KCP: variants seen among roughly 807,000 people sequenced by gnomAD.
The protein encoded by KCP is kielin/chordin-like protein.
Under a neutral mutation model 212.7 loss-of-function variants are expected in KCP, and 194 were observed. The observed-to-expected ratio is 0.91, with a 90% CI of 0.81 to 1.03. The LOEUF is 1.03. KCP is among the 50% of genes least tolerant of loss of function. The pLI, the probability that KCP is intolerant of heterozygous loss-of-function variation, is 0.00. For synonymous variants in KCP, 833 were observed against 865.3 expected (o/e 0.96, Z 0.65); for missense variants, 2,080 against 2,162.5 (o/e 0.96, Z 0.76).
At position 128,910,559 on chromosome 7, in the gene KCP, GCGCACCTGGCCGGACCCCAAGCCTCC is replaced by G. The variant is rs1381615901; in HGVS notation, c.76+16_76+41del. The G allele has an allele frequency of 4.4e-5, 65 of 1,487,162 alleles. 1 individual carries two copies. In the Middle Eastern group the frequency reaches 7.0e-4, roughly 16 times the overall value. The allele number at this position is 1,487,162 out of a possible 1,614,324, so 92.1% of individuals were successfully genotyped here. ...AGGCCGGGCTGATAGGAGGGAGGGG[GCGCACCTGGCCGGACCCCAAGCCTCC>G]CGCACCTGGACTCACCTTCCGCGCC... On this transcript the variant is annotated intron_variant, in intron 1 of 39. Transcript: ENST00000610776.
intron 21 of KCP, chr7:128,890,085 A>T (rs1793993408): frequency 3.6e-6 from 2 of 548,210 alleles, no homozygotes; most frequent in Admixed American, 3.2e-5. Flanking sequence ...CGACCAGCTG[A>T]TTTTAAATTT....
Position 128,881,653 on chromosome 7 carries a change from G to C in KCP, c.3397C>G (p.Pro1133Ala). ...SCPLSERHTP[P>A]GSCCPVCREC... is the part of the protein sequence containing the mutation. ...CGGCATACGGGGCAGCAGCTCCCAG[G>C]GGGAGTGTGGCGCTCTGAGAGGGGA... Residue 1133 changes from proline (P) to alanine (A), a missense_variant, in exon 31 of 40, where the codon CCT (proline) becomes GCT (alanine). Pro to Ala is a conservative substitution (Grantham distance 27, BLOSUM62 -1). Transcript: ENST00000610776. 1 of 1,511,844 alleles carries C rather than the reference G, an allele frequency of 6.6e-7. No individual in the cohort carries two copies. Among genetic ancestry groups the C allele is most frequent in the East Asian group, 2.5e-5 (1 of 40,322 alleles). 93.7% of individuals were successfully genotyped at this position (1,511,844 alleles called of 1,614,324 possible). A position where few individuals can be genotyped will look rare whatever the true frequency, so the allele number is the denominator to read the frequency against.
At position 128,877,056 on chromosome 7, in the gene KCP, T is replaced by G; in HGVS notation, c.4874A>C (p.Gln1625Pro). The change falls in exon 40 of 40, where the codon CAG becomes CCG. Residue 1625 changes from glutamine to proline, a missense_variant. By Grantham distance (76) the Gln-to-Pro change is moderately conservative. Transcript: ENST00000610776. The stretch of plus-strand genomic sequence containing the variant: ...CACTGTCCTGGCTCAGGGTGTCTCC[T>G]GGGGCTCCCGGCTGGGGCTGGGCCG... ...GARPSPSREP[Q>P]ETP 1 of 1,529,914 alleles carries G rather than the reference T, an allele frequency of 6.5e-7. No homozygotes were observed. Among genetic ancestry groups the G allele is most frequent in the Non-Finnish European group, 8.8e-7 (1 of 1,141,542 alleles). 94.8% of individuals were successfully genotyped at this position (1,529,914 alleles called of 1,614,324 possible).
chr7:128,883,859 G>A, intron 29 of KCP, 143 bp downstream of exon 29: 1 of 1,044,938 alleles, frequency 9.6e-7, no homozygotes, highest in Non-Finnish European at 1.3e-6. Flanking sequence ...TAGGGATGGT[G>A]CAGCCCTCGC....
intron 32 of KCP, 93 bp from the exon 33 acceptor site, chr7:128,880,814 GC>G: frequency 2.5e-6 from 1 of 403,262 alleles, no homozygotes; most frequent in Non-Finnish European, 4.4e-6. Flanking sequence ...ACTTCTGCCT[GC>G]CCCTCCCACA....
Position 128,880,042 on chromosome 7 carries a change from C to A in KCP, c.3803G>T (p.Cys1268Phe), listed in dbSNP as rs1175955421. ...ALSPGSCCPR[C>F]LPRPASCMAF... ...CATGCAGGAAGCGGGCCGAGGCAGG[C>A]AGCGGGGGCAGCAGCTGCCAGGACT... Residue 1268 changes from cysteine (C) to phenylalanine (F), a missense_variant, in exon 35 of 40, where the codon TGC becomes TTC. Coordinates refer to ENST00000610776, the MANE Select transcript of KCP (RefSeq NM_001366122.1). 1.3e-6 allele frequency: 2 copies of A among 1,547,932 alleles called. No individual in the cohort carries two copies. The highest frequency in any genetic ancestry group is 2.0e-5 in the Admixed American group (1 of 50,958).
intron 2 of KCP, among the ~76,000 whole-genome samples, 175 bp downstream of exon 2, chr7:128,908,251 G>GAAAAAGAAAGAAAGA (rs10565205): frequency 4.5e-4 from 46 of 101,276 alleles, no homozygotes; most frequent in African/African-American, 1.8e-3. Context: ...AAGAAAGAAA[G>GAAAAAGAAAGAAAGA]AAGAAAGAAA....
At chr7:128,901,486 C>T (rs993386615) in intron 8 of KCP, among the ~76,000 whole-genome samples, 15 of 152,032 alleles carry the variant, frequency 9.9e-5, no homozygotes, top group Admixed American at 2.6e-4. Context: ...ATTAGCCAGG[C>T]GTGTTGGCGG....
rs144377695 is a variant in KCP at position 128,885,878 on chromosome 7, T to A, written c.2866+586A>T. Among the ~76,000 whole-genome samples the A allele has an allele frequency of 3.2e-3, 488 of 151,580 alleles. 2 individuals are homozygous for A. Among genetic ancestry groups the A allele is most frequent in the African/African-American group, 0.012 (476 of 41,038 alleles). ...ACCTCTCTGTACCTCCACTTTCTCG[T>A]CTGTAAAATAGGAGGACTAAGAGTG... On this transcript the variant is annotated intron_variant, in intron 26 of 39. Transcript: ENST00000610776.
In KCP at chr7:128,886,939, G is replaced by A. The variant is rs373233634; in HGVS notation, c.2626C>T (p.Pro876Ser). The A allele has an allele frequency of 6.5e-7, 1 of 1,528,518 alleles. No homozygotes were observed. The allele number at this position is 1,528,518 out of a possible 1,614,324, so 94.7% of individuals were successfully genotyped here. Residue 876 changes from proline to serine, a missense_variant, in exon 24 of 40, where the codon CCA (proline) becomes TCA (serine). Transcript: ENST00000610776. ...QEGSMRCQKK[P>S]CPPALCPHPS... ...TGGGGGCAGAGAGCTGGGGGACATG[G>A]CTTCTTCTGGCAGCGCATGGAACCT...
chr7:128,890,830 A>G, intron 20 of KCP, 75 bp downstream of exon 20: 1 of 1,160,338 alleles, frequency 8.6e-7, no homozygotes, highest in Non-Finnish European at 1.1e-6. Context: ...GAGGAAGGGG[A>G]CTGGGCAGGG....
rs1344007796 is a variant in KCP, at chr7:128,890,371, G to A, written c.2307C>T (p.Ala769=). 2 of 1,551,394 alleles carry A rather than the reference G, an allele frequency of 1.3e-6. No individual in the cohort carries two copies. The highest frequency in any genetic ancestry group is 1.2e-5 in the South Asian group (1 of 84,066). Residue 769 remains alanine, a synonymous_variant, in exon 21 of 40, where the codon GCC becomes GCT. Coordinates refer to ENST00000610776, the MANE Select transcript of KCP (RefSeq NM_001366122.1). ...ACAPALCPFP[A]RGDCCPDCDG... The stretch of plus-strand genomic sequence containing the variant: ...CACAGTCAGGGCAGCAGTCGCCCCT[G>A]GCAGGGAAGGGGCACAGTGCAGGGG...
intron 1 of KCP, among the ~76,000 whole-genome samples, 161 bp downstream of exon 1, chr7:128,910,440 C>T (rs896892365): frequency 6.6e-6 from 1 of 152,258 alleles, no homozygotes; most frequent in Non-Finnish European, 1.5e-5. Flanking sequence ...CCACCCTGCT[C>T]GCTCCCCCGA....
intron 20 of KCP, 124 bp downstream of exon 20, chr7:128,890,781 A>G: frequency 1.1e-6 from 1 of 945,170 alleles, no homozygotes; most frequent in Non-Finnish European, 1.5e-6. Flanking sequence ...CGGACACTAC[A>G]TTCCTAACAA....
chr7:128,903,882 G>C (rs1267375089), intron 6 of KCP, 62 bp from the exon 7 acceptor site: 1 of 920,092 alleles, frequency 1.1e-6, no homozygotes, highest in Admixed American at 2.0e-5. Flanking sequence ...TGGGTGGGCG[G>C]GTGTTGGGCA....
In KCP at chr7:128,910,707, G is replaced by A. The variant is rs577185038; in HGVS notation, c.-31C>T. ...CTCCGCCTCGCTCGGCTCGCCGTCTGTCGTCGCGGCTCAGCAGGCGCTGGG... is the reference window on the plus strand; with the variant it reads ...CTCCGCCTCGCTCGGCTCGCCGTCTATCGTCGCGGCTCAGCAGGCGCTGGG... On this transcript the variant is annotated 5_prime_UTR_variant, in exon 1 of 40. Transcript: ENST00000610776. 5.4e-5 allele frequency: 79 copies of A among 1,461,824 alleles called. No individual in the cohort carries two copies. In the African/African-American group the frequency reaches 1.1e-3, roughly 21 times the overall value. The allele number at this position is 1,461,824 out of a possible 1,614,324, so 90.6% of individuals were successfully genotyped here.
chr7:128,889,036 C>T lies in KCP; in HGVS notation c.2339G>A (p.Cys780Tyr). 2.7e-6 allele frequency: 4 copies of T among 1,496,370 alleles called. No individual in the cohort carries two copies. The highest frequency in any genetic ancestry group is 1.8e-4 in the Middle Eastern group (1 of 5,670). 92.7% of individuals were successfully genotyped at this position (1,496,370 alleles called of 1,614,324 possible). A position where few individuals can be genotyped will look rare whatever the true frequency, so the allele number is the denominator to read the frequency against. Residue 780 changes from cysteine to tyrosine, a missense_variant, in exon 22 of 40, where the codon TGT becomes TAT. Transcript: ENST00000610776. ...RGDCCPDCDG[C>Y]EYLGESYLSN... ...CAGGTAGGACTCCCCCAGGTACTCA[C>T]AGCCTTTCAGAGAAGAGACAGAGAG... is the stretch of plus-strand genomic sequence containing the variant.
chr7:128,886,594 G>A (rs1793660414), intron 25 of KCP, 37 bp from the exon 26 acceptor site: 2 of 1,550,622 alleles, frequency 1.3e-6, no homozygotes, highest in African/African-American at 1.4e-5. Flanking sequence ...CGCTGCCTAG[G>A]CTGGGGCCCA....
At chr7:128,902,186 T>C (rs1158244826) in intron 8 of KCP, among the ~76,000 whole-genome samples, 1 of 152,218 alleles carries the variant, frequency 6.6e-6, no homozygotes, top group African/African-American at 2.4e-5. Flanking sequence ...TGAGCCACCA[T>C]GCTCAGCCTC....
Sources: gnomAD v4.1 joint callset for allele counts (sites outside exome capture counted in the v4.1 genomes callset) on GRCh38, gnomAD v4.1.1 for gene constraint, MANE v1.5 for transcripts, NCBI Gene and HGNC (gene_info 2026-07-23, HGNC 2026-07-21) for gene names.